L3MBTL4: variants seen among roughly 807,000 people sequenced by gnomAD.
L3MBTL4 encodes lethal(3)malignant brain tumor-like protein 4.
Under a neutral mutation model 84.5 loss-of-function variants are expected in L3MBTL4, and 70 were observed. The observed-to-expected ratio is 0.83, with a 90% CI of 0.68 to 1.01. The LOEUF (loss-of-function observed/expected upper bound fraction) is 1.01. L3MBTL4 is among the 50% of genes least tolerant of loss of function. The pLI, the probability that L3MBTL4 is intolerant of heterozygous loss-of-function variation, is 0.00. For missense variants in L3MBTL4, 715 were observed against 754.8 expected, an observed-to-expected ratio of 0.95 and a Z score of 0.62; for synonymous variants, 274 against 259.8, an observed-to-expected ratio of 1.05 and a Z score of -0.52.
chr18:6,277,143 G>C (rs1440177319), intron 4 of L3MBTL4, among the ~76,000 whole-genome samples: 4 of 117,712 alleles, frequency 3.4e-5, no homozygotes, highest in Non-Finnish European at 5.1e-5. Flanking sequence ...GTTGTGGGGT[G>C]GGGGGACGGG....
At chr18:6,129,064 A>G (rs893835748) in intron 14 of L3MBTL4, among the ~76,000 whole-genome samples, 2 of 152,140 alleles carry the variant, frequency 1.3e-5, no homozygotes, top group Non-Finnish European at 2.9e-5. Context: ...ACTTCCAAGG[A>G]TAACAAGAGA....
At chr18:6,120,031 C>T (rs1163346839) in intron 14 of L3MBTL4, among the ~76,000 whole-genome samples, 1 of 152,202 alleles carries the variant, frequency 6.6e-6, no homozygotes, top group Non-Finnish European at 1.5e-5. Context: ...ATGACAGAGA[C>T]TTGCAAAGCA....
At chr18:6,258,636 T>G (rs1332515108) in intron 5 of L3MBTL4, 1 of 152,084 alleles carries the variant, frequency 6.6e-6, no homozygotes, top group Non-Finnish European at 1.5e-5. Context: ...ATGGTGAGAT[T>G]AAAGTTTACC....
chr18:6,168,831 TCTAACTAAA>T (rs1292683841), intron 13 of L3MBTL4, among the ~76,000 whole-genome samples: 2 of 152,068 alleles, frequency 1.3e-5, no homozygotes, highest in Non-Finnish European at 2.9e-5. Flanking sequence ...ACAAATGGGA[TCTAACTAAA>T]CTAAAGAGCT....
intron 5 of L3MBTL4, among the ~76,000 whole-genome samples, chr18:6,246,498 T>C (rs2047671008): frequency 6.6e-6 from 1 of 152,222 alleles, no homozygotes; most frequent in East Asian, 1.9e-4. Context: ...AAATGATGAG[T>C]AGAACCTAGA....
At chr18:6,225,450 C>A (rs2046740144) in intron 10 of L3MBTL4, among the ~76,000 whole-genome samples, 1 of 152,038 alleles carries the variant, frequency 6.6e-6, no homozygotes, top group Non-Finnish European at 1.5e-5. Flanking sequence ...TAAGGCAGCA[C>A]AAGGAAAATA....
chr18:6,003,282 C>T (rs7234992), intron 16 of L3MBTL4, among the ~76,000 whole-genome samples: 7,230 of 150,372 alleles, frequency 0.048, 427 homozygotes, highest in Admixed American at 0.17. Flanking sequence ...ACAAAATAAG[C>T]TTTAAATAAA....
At position 6,067,620 on chromosome 18, in the gene L3MBTL4, T is replaced by C. The variant is rs992383134; in HGVS notation, c.1444+13261A>G. 1.1e-4 allele frequency among the ~76,000 whole-genome samples: 17 copies of C among 152,224 alleles called. 1 individual carries two copies. Among genetic ancestry groups the C allele is most frequent in the African/African-American group, 3.4e-4 (14 of 41,462 alleles). ...TTTTGCATTTCCCTAAGTGTGACTT[T>C]CATTTCCAGAAGTTCTGACTGGTTT... On this transcript the variant is annotated intron_variant, in intron 16 of 18. Transcript: ENST00000317931.
chr18:6,052,996 A>T (rs1458921418), intron 16 of L3MBTL4, among the ~76,000 whole-genome samples: 1 of 152,212 alleles, frequency 6.6e-6, no homozygotes, highest in African/African-American at 2.4e-5. Context: ...CCCAGAACAA[A>T]TTTATCATTC....
At chr18:6,192,711 C>A (rs1341302107) in intron 12 of L3MBTL4, among the ~76,000 whole-genome samples, 2 of 152,092 alleles carry the variant, frequency 1.3e-5, no homozygotes, top group East Asian at 3.9e-4. Context: ...TCAGGTAACA[C>A]TACGTTTTGC....
intron 1 of L3MBTL4, among the ~76,000 whole-genome samples, chr18:6,336,484 A>C (rs2052345603): frequency 6.6e-6 from 1 of 152,234 alleles, no homozygotes; most frequent in Non-Finnish European, 1.5e-5. Context: ...TTTTTCTACC[A>C]GTCACATAGT....
At chr18:5,958,160 CAAG>C (rs1350581735) in intron 18 of L3MBTL4, among the ~76,000 whole-genome samples, 7 of 55,568 alleles carry the variant, frequency 1.3e-4, no homozygotes, top group South Asian at 6.6e-4. Flanking sequence ...AGAAGAAGAA[CAAG>C]AAGAAGAAGA....
At chr18:6,192,145 CCA>C (rs1361608040) in intron 12 of L3MBTL4, among the ~76,000 whole-genome samples, 1 of 152,122 alleles carries the variant, frequency 6.6e-6, no homozygotes, top group Non-Finnish European at 1.5e-5. Context: ...GCCCTGGAAG[CCA>C]CGTGAAGAAA....
chr18:6,148,592 A>G (rs560292446), intron 13 of L3MBTL4, among the ~76,000 whole-genome samples: 1 of 151,924 alleles, frequency 6.6e-6, no homozygotes. Context: ...TGCCCAGCTA[A>G]TTTTTCTATG....
In L3MBTL4 at chr18:6,237,565, C is replaced by T. The variant is rs529633877; in HGVS notation, c.784+399G>A. 3.8e-3 allele frequency among the ~76,000 whole-genome samples: 572 copies of T among 148,780 alleles called. 3 individuals carry two copies. The highest frequency in any genetic ancestry group is 6.8e-3 in the Non-Finnish European group (458 of 67,542). On this transcript the variant is annotated intron_variant, in intron 10 of 18. Transcript: ENST00000317931. ...CCGCCTCCCAGGTTCAAGCAATTCT[C>T]CTGCCTCAGCCTCCCAAGTAGCTGG... is the stretch of plus-strand genomic sequence containing the variant.
At chr18:6,101,027 C>G (rs1406904749) in intron 14 of L3MBTL4, among the ~76,000 whole-genome samples, 1 of 152,204 alleles carries the variant, frequency 6.6e-6, no homozygotes, top group Admixed American at 6.5e-5. Context: ...TGTTCCGGAT[C>G]CACACTCAGT....
At chr18:6,148,318 T>C (rs1244241915) in intron 13 of L3MBTL4, among the ~76,000 whole-genome samples, 1 of 152,260 alleles carries the variant, frequency 6.6e-6, no homozygotes, top group East Asian at 1.9e-4. Flanking sequence ...TGGATTGTTT[T>C]ATTACTCAGT....
intron 16 of L3MBTL4, among the ~76,000 whole-genome samples, chr18:5,989,780 T>G (rs1199956898): frequency 6.6e-6 from 1 of 152,236 alleles, no homozygotes; most frequent in African/African-American, 2.4e-5. Flanking sequence ...ACAATAAGAC[T>G]GTTTGCTCCT....
chr18:6,346,855 T>C (rs2052931138), intron 1 of L3MBTL4, among the ~76,000 whole-genome samples: 1 of 152,034 alleles, frequency 6.6e-6, no homozygotes, highest in Non-Finnish European at 1.5e-5. Flanking sequence ...AAAATCAGTA[T>C]CCAAAGAAAT....
Sources: allele counts gnomAD v4.1 joint callset (sites outside exome capture counted in the v4.1 genomes callset), GRCh38; gene constraint gnomAD v4.1.1; transcripts MANE v1.5; gene names NCBI Gene and HGNC (gene_info 2026-07-23, HGNC 2026-07-21).